DHRS7B: variants seen among roughly 807,000 people sequenced by gnomAD.
DHRS7B encodes dehydrogenase/reductase 7B.
A neutral mutation model predicts 26.4 loss-of-function variants in DHRS7B; 24 were observed. That is an observed-to-expected ratio of 0.91 (90% CI 0.66 to 1.28). DHRS7B has a LOEUF of 1.28. Among genes scored for constraint, DHRS7B ranks in the 50% most tolerant of loss-of-function variants. The probability of loss-of-function intolerance (pLI) is 0.00; values close to 1 mark genes in which losing one functional copy is unlikely to be tolerated. For synonymous variants in DHRS7B, 142 were observed against 166.4 expected (o/e 0.85, Z 1.13); for missense variants, 368 against 419.4 (o/e 0.88, Z 1.07).
intron 1 of DHRS7B, among the ~76,000 whole-genome samples, chr17:21,148,960 G>T (rs1973701180): frequency 6.6e-6 from 1 of 152,028 alleles, no homozygotes; most frequent in Non-Finnish European, 1.5e-5. Context: ...ATAAATATTT[G>T]GGAACAGGAA....
At chr17:21,180,615 C>G (rs951849621) in intron 3 of DHRS7B, among the ~76,000 whole-genome samples, 1 of 151,714 alleles carries the variant, frequency 6.6e-6, no homozygotes, top group African/African-American at 2.4e-5. Context: ...ATATGTCTGT[C>G]TTATGTCAGT....
At chr17:21,127,137 C>A in intron 1 of DHRS7B, 146 bp downstream of exon 1, 1 of 800,016 alleles carries the variant, frequency 1.2e-6, no homozygotes, top group Non-Finnish European at 1.8e-6. Context: ...ATCCCCGCGA[C>A]GCCGAACTCT....
chr17:21,162,059 A>G (rs1974011491), intron 1 of DHRS7B, among the ~76,000 whole-genome samples: 1 of 151,716 alleles, frequency 6.6e-6, no homozygotes, highest in Non-Finnish European at 1.5e-5. Context: ...ATCATCCTAG[A>G]TAAATTACAG....
chr17:21,185,709 CAG>C (rs1173841269), intron 5 of DHRS7B, among the ~76,000 whole-genome samples: 1 of 149,146 alleles, frequency 6.7e-6, no homozygotes, highest in Non-Finnish European at 1.5e-5. Context: ...TTTTTGGAAA[CAG>C]AGTTTCACTC....
At chr17:21,189,475 T>C (rs1429644735) in intron 6 of DHRS7B, among the ~76,000 whole-genome samples, 1 of 152,232 alleles carries the variant, frequency 6.6e-6, no homozygotes, top group Non-Finnish European at 1.5e-5. Context: ...GAGCTGGTGC[T>C]GCCTCCCCAT....
intron 1 of DHRS7B, among the ~76,000 whole-genome samples, chr17:21,167,982 G>T (rs1304364415): frequency 6.6e-6 from 1 of 152,172 alleles, no homozygotes; most frequent in Non-Finnish European, 1.5e-5. Flanking sequence ...CTAGAACACT[G>T]TTCCTTTCTT....
intron 1 of DHRS7B, chr17:21,168,861 G>T (rs559060433): frequency 1.0e-6 from 1 of 985,336 alleles, no homozygotes. Context: ...GTTGTGTCAG[G>T]TGCTCAAGGA....
intron 2 of DHRS7B, among the ~76,000 whole-genome samples, chr17:21,173,274 C>T (rs1454519160): frequency 6.6e-6 from 1 of 152,268 alleles, no homozygotes; most frequent in African/African-American, 2.4e-5. Flanking sequence ...TATGTGCTGA[C>T]TTGTGCTAAG....
At chr17:21,131,237 G>A (rs1973223299) in intron 1 of DHRS7B, among the ~76,000 whole-genome samples, 1 of 152,228 alleles carries the variant, frequency 6.6e-6, no homozygotes, top group African/African-American at 2.4e-5. Flanking sequence ...GCAGCCCTGA[G>A]GGCTGCTGGC....
intron 1 of DHRS7B, chr17:21,166,259 G>A (rs1974111157): frequency 2.9e-5 from 29 of 985,400 alleles, no homozygotes; most frequent in Non-Finnish European, 3.4e-5. Flanking sequence ...CTTCCTTCAG[G>A]TTTTATTTTT....
At chr17:21,132,980 T>C (rs777061987) in intron 1 of DHRS7B, among the ~76,000 whole-genome samples, 1 of 152,182 alleles carries the variant, frequency 6.6e-6, no homozygotes, top group Non-Finnish European at 1.5e-5. Context: ...TGAAATCTCT[T>C]TTCCACCATT....
chr17:21,132,445 C>T (rs1172543302), intron 1 of DHRS7B, among the ~76,000 whole-genome samples: 4 of 146,408 alleles, frequency 2.7e-5, no homozygotes, highest in South Asian at 2.2e-4. Context: ...GTGGGAGGAT[C>T]GCTTGAACCT....
intron 1 of DHRS7B, among the ~76,000 whole-genome samples, chr17:21,138,679 C>T (rs962024336): frequency 2.0e-5 from 3 of 152,066 alleles, no homozygotes; most frequent in African/African-American, 7.2e-5. Context: ...TTTTTATTTT[C>T]TGGTTCCTTT....
intron 6 of DHRS7B, among the ~76,000 whole-genome samples, chr17:21,190,125 C>T (rs1162779379): frequency 2.0e-5 from 3 of 151,950 alleles, no homozygotes; most frequent in African/African-American, 4.8e-5. Flanking sequence ...ATGATTGTGC[C>T]ACTGCACTCC....
intron 1 of DHRS7B, among the ~76,000 whole-genome samples, chr17:21,138,449 T>A (rs1973416386): frequency 6.6e-6 from 1 of 151,724 alleles, no homozygotes; most frequent in African/African-American, 2.4e-5. Flanking sequence ...GGTCTTGATC[T>A]CCTGACCTTG....
chr17:21,148,251 T>G (rs1973684600), intron 1 of DHRS7B, among the ~76,000 whole-genome samples: 1 of 151,868 alleles, frequency 6.6e-6, no homozygotes, highest in African/African-American at 2.4e-5. Flanking sequence ...TTCAAAATAG[T>G]AGTTTCAAGG....
rs575386773 is a variant in DHRS7B, at chr17:21,179,663, G to A, written c.309+1321G>A. Among the ~76,000 whole-genome samples, 3 of 151,764 alleles carry A rather than the reference G, an allele frequency of 2.0e-5. No homozygotes were observed. The South Asian group carries it at 6.3e-4, about 32-fold the overall frequency. On this transcript the variant is annotated intron_variant, in intron 3 of 6. Coordinates refer to ENST00000395511, the MANE Select transcript of DHRS7B (RefSeq NM_015510.5). ...TTTTTTAATCAGGTTGTTGTTTGTT[G>A]TTGTTGAGTTTAGGAGTTCTTTATG... is the stretch of plus-strand genomic sequence containing the variant.
Position 21,178,631 on chromosome 17 carries a change from G to T in DHRS7B, c.309+289G>T, listed in dbSNP as rs572839586. Among the ~76,000 whole-genome samples the T allele has an allele frequency of 2.0e-5, 3 of 151,616 alleles. No homozygotes were observed. In the South Asian group the frequency reaches 6.2e-4, roughly 32 times the overall value. ...TAAGCTCTACTTACTGGGTGGGAGT[G>T]GGGGATGGTGATAACTTTAAAAGGT... On this transcript the variant is annotated intron_variant, in intron 3 of 6. Coordinates refer to ENST00000395511, the MANE Select transcript of DHRS7B (RefSeq NM_015510.5).
chr17:21,183,651 G>C lies in DHRS7B; in HGVS notation c.367G>C (p.Val123Leu). The change falls in exon 4 of 7, where the codon GTT becomes CTT. Residue 123 changes from valine to leucine, a missense_variant. By Grantham distance (32) the Val-to-Leu change is conservative. Coordinates refer to ENST00000395511, the MANE Select transcript of DHRS7B (RefSeq NM_015510.5). Reference protein sequence around the residue: ...TFDLTDSGAIVAAAAEILQCF... With the variant: ...TFDLTDSGAILAAAAEILQCF... ...CGACCTCACAGACTCTGGGGCCATAGTTGCAGCAGCAGCTGAGATCCTGCA... is the reference window on the plus strand; with the variant it reads ...CGACCTCACAGACTCTGGGGCCATACTTGCAGCAGCAGCTGAGATCCTGCA... 6.2e-7 allele frequency: 1 copy of C among 1,614,120 alleles called. No homozygotes were observed. Among genetic ancestry groups the C allele is most frequent in the Non-Finnish European group, 8.5e-7 (1 of 1,180,038 alleles).
Sources: gnomAD v4.1 joint callset for allele counts (sites outside exome capture counted in the v4.1 genomes callset) on GRCh38, gnomAD v4.1.1 for gene constraint, MANE v1.5 for transcripts, NCBI Gene and HGNC (gene_info 2026-07-23, HGNC 2026-07-21) for gene names.